The following MAPKAP1 variants were observed in gnomAD, a reference collection of about 807,000 sequenced individuals.
The protein encoded by MAPKAP1 is MAPK associated protein 1.
Under a neutral mutation model 65.7 loss-of-function variants are expected in MAPKAP1, and 20 were observed. The ratio of observed to expected loss-of-function variants is 0.30; its 90% CI spans 0.21 to 0.44. The LOEUF is 0.44. MAPKAP1 is among the 20% of genes least tolerant of loss of function. The probability of loss-of-function intolerance (pLI) is 1.00; values close to 1 mark genes in which losing one functional copy is unlikely to be tolerated. For missense variants in MAPKAP1, 423 were observed against 648.0 expected (o/e 0.65, Z 3.77); for synonymous variants, 222 against 244.3 (o/e 0.91, Z 0.85).
rs1415787068 is a variant in MAPKAP1 at position 125,662,554 on chromosome 9, G to A, written c.350-4755C>T. Among the ~76,000 whole-genome samples, 5 of 152,072 alleles carry A rather than the reference G, an allele frequency of 3.3e-5. No homozygotes were observed. In the East Asian group the frequency reaches 9.6e-4, roughly 29 times the overall value. On this transcript the variant is annotated intron_variant, in intron 3 of 11. Transcript: ENST00000265960. Reference sequence around the variant, plus strand: ...CAAAATTAGCTGGGTGTGGTGGCGGGCACCCGTAGTCCCAGCTACTCGGGA... The same window carrying A: ...CAAAATTAGCTGGGTGTGGTGGCGGACACCCGTAGTCCCAGCTACTCGGGA...
At chr9:125,653,878 G>C (rs899277289) in intron 4 of MAPKAP1, among the ~76,000 whole-genome samples, 1 of 152,144 alleles carries the variant, frequency 6.6e-6, no homozygotes, top group Non-Finnish European at 1.5e-5. Context: ...GACACAACTT[G>C]CTAATCAGTC....
chr9:125,607,569 G>T (rs1832474894), intron 4 of MAPKAP1, among the ~76,000 whole-genome samples: 1 of 152,256 alleles, frequency 6.6e-6, no homozygotes, highest in African/African-American at 2.4e-5. Flanking sequence ...AACTGGGGAT[G>T]TCTAACTCCA....
intron 7 of MAPKAP1, among the ~76,000 whole-genome samples, chr9:125,515,662 A>T (rs1214457218): frequency 1.3e-5 from 2 of 152,256 alleles, no homozygotes; most frequent in Non-Finnish European, 2.9e-5. Flanking sequence ...ATCACCAGAG[A>T]TCAACTAAGT....
intron 11 of MAPKAP1, among the ~76,000 whole-genome samples, chr9:125,441,926 G>A (rs1410048550): frequency 6.6e-6 from 1 of 151,972 alleles, no homozygotes; most frequent in African/African-American, 2.4e-5. Flanking sequence ...CCAGGAGTTC[G>A]AGACCAGCCT....
chr9:125,580,682 TAA>T (rs200466671), intron 5 of MAPKAP1, among the ~76,000 whole-genome samples: 52 of 148,090 alleles, frequency 3.5e-4, no homozygotes, highest in East Asian at 9.8e-4. Flanking sequence ...CTTAAAAGTA[TAA>T]AAAAAAAAAA....
intron 7 of MAPKAP1, among the ~76,000 whole-genome samples, chr9:125,511,016 C>G (rs1007168196): frequency 3.3e-5 from 5 of 152,172 alleles, no homozygotes; most frequent in African/African-American, 1.2e-4. Flanking sequence ...AACTTAACCT[C>G]TCAGTTTTCT....
intron 8 of MAPKAP1, among the ~76,000 whole-genome samples, chr9:125,489,720 G>C (rs1362981945): frequency 1.3e-5 from 2 of 152,188 alleles, no homozygotes; most frequent in Non-Finnish European, 2.9e-5. Context: ...GGCAGGCAAA[G>C]GGAAGCAGAG....
intron 1 of MAPKAP1, among the ~76,000 whole-genome samples, chr9:125,695,883 C>A (rs1835368328): frequency 6.6e-6 from 1 of 152,096 alleles, no homozygotes; most frequent in Non-Finnish European, 1.5e-5. Flanking sequence ...CATGTGCCAT[C>A]ACACCCGGCT....
chr9:125,676,041 A>G (rs1028253698), intron 1 of MAPKAP1, among the ~76,000 whole-genome samples: 37 of 152,218 alleles, frequency 2.4e-4, no homozygotes, highest in African/African-American at 8.7e-4. Flanking sequence ...AAGGACATAC[A>G]TATCACGGAT....
At chr9:125,569,117 T>C (rs994723428) in intron 5 of MAPKAP1, among the ~76,000 whole-genome samples, 3 of 152,168 alleles carry the variant, frequency 2.0e-5, no homozygotes, top group African/African-American at 7.2e-5. Flanking sequence ...AGTAACAAAC[T>C]TGAATACAGG....
chr9:125,468,834 C>T (rs1853784560), intron 9 of MAPKAP1, among the ~76,000 whole-genome samples: 1 of 152,128 alleles, frequency 6.6e-6, no homozygotes, highest in Non-Finnish European at 1.5e-5. Flanking sequence ...AATACTGGCA[C>T]TTCAGATTTT....
intron 2 of MAPKAP1, among the ~76,000 whole-genome samples, chr9:125,670,154 AAG>A (rs778529120): frequency 6.6e-6 from 1 of 152,220 alleles, no homozygotes; most frequent in Non-Finnish European, 1.5e-5. Context: ...ATTAACATGG[AAG>A]AGAATAATAA....
In MAPKAP1 at chr9:125,555,857, T is replaced by G. The variant is rs531993575; in HGVS notation, c.848+3776A>C. ...TGAAAGTTATTCCAATTCAGCTTTT[T>G]CAGTCCAGCTGAGCAATGTCCACCT... On this transcript the variant is annotated intron_variant, in intron 6 of 11. Transcript: ENST00000265960. 1.5e-3 allele frequency among the ~76,000 whole-genome samples: 225 copies of G among 152,354 alleles called. 1 individual carries two copies. Among genetic ancestry groups the G allele is most frequent in the South Asian group, 3.9e-3 (19 of 4,828 alleles).
intron 10 of MAPKAP1, among the ~76,000 whole-genome samples, chr9:125,452,897 CA>C (rs1188765607): frequency 6.6e-6 from 1 of 151,596 alleles, no homozygotes; most frequent in Non-Finnish European, 1.5e-5. Context: ...GTCTCAAAAA[CA>C]AACAAACAAA....
chr9:125,701,423 C>T (rs536569852), intron 1 of MAPKAP1, among the ~76,000 whole-genome samples: 5 of 152,298 alleles, frequency 3.3e-5, no homozygotes, highest in East Asian at 1.9e-4. Flanking sequence ...TTGTAAGTGA[C>T]GTGACCAAAC....
intron 8 of MAPKAP1, among the ~76,000 whole-genome samples, chr9:125,486,921 G>A (rs935664341): frequency 6.6e-5 from 10 of 152,034 alleles, no homozygotes; most frequent in Non-Finnish European, 1.2e-4. Flanking sequence ...TTCTGTCCCC[G>A]TATCCTGCAT....
In MAPKAP1 at chr9:125,698,289, ATATATATATAT is replaced by A. The variant is rs1473530949; in HGVS notation, c.-70+8671_-70+8681del. ...TATATATAATACATAATATATATAA[ATATATATATAT>A]ATATATATATATATATATATATATA... On this transcript the variant is annotated intron_variant, in intron 1 of 11. Coordinates refer to ENST00000265960, the MANE Select transcript of MAPKAP1 (RefSeq NM_001006617.3). 6.3e-3 allele frequency among the ~76,000 whole-genome samples: 487 copies of A among 77,800 alleles called. 16 individuals carry two copies. The highest frequency in any genetic ancestry group is 0.021 in the African/African-American group (456 of 21,268). The allele number at this position is 77,800 out of a possible 152,430, so 51.0% of individuals were successfully genotyped here.
chr9:125,517,651 C>T (rs901100494), intron 7 of MAPKAP1, among the ~76,000 whole-genome samples: 8 of 152,124 alleles, frequency 5.3e-5, no homozygotes, highest in Non-Finnish European at 1.2e-4. Flanking sequence ...AAGGGCGTAC[C>T]GCTGAATTTC....
In MAPKAP1 at chr9:125,498,188, G is replaced by T. The variant is rs148011549; in HGVS notation, c.1066+8122C>A. 4.5e-3 allele frequency among the ~76,000 whole-genome samples: 679 copies of T among 152,324 alleles called. 4 individuals are homozygous for T. The highest frequency in any genetic ancestry group is 0.015 in the African/African-American group (637 of 41,548). On this transcript the variant is annotated intron_variant, in intron 8 of 11. Coordinates refer to ENST00000265960, the MANE Select transcript of MAPKAP1 (RefSeq NM_001006617.3). Reference sequence around the variant, plus strand: ...TTTTCTTATTTAGGCCAAGATCCAAGCACAAATGTTAGCTCTCAGTACCTA... The same window carrying T: ...TTTTCTTATTTAGGCCAAGATCCAATCACAAATGTTAGCTCTCAGTACCTA...
Sources: allele counts gnomAD v4.1 joint callset (sites outside exome capture counted in the v4.1 genomes callset), GRCh38; gene constraint gnomAD v4.1.1; transcripts MANE v1.5; gene names NCBI Gene and HGNC (gene_info 2026-07-23, HGNC 2026-07-21).